Variants in GLUL observed in about 807,000 individuals in gnomAD.
GLUL encodes the protein glutamate-ammonia ligase.
GLUL carries 8 observed loss-of-function variants against 36.9 expected under a neutral mutation model. The observed-to-expected ratio is 0.22, with a 90% CI of 0.13 to 0.39. The LOEUF is 0.39. Ranked by LOEUF, GLUL falls within the 10% of genes least tolerant of loss-of-function variation. The pLI is 1.00. For missense variants in GLUL, 315 were observed against 501.8 expected, an observed-to-expected ratio of 0.63 and a Z score of 3.56; for synonymous variants, 182 against 172.8, an observed-to-expected ratio of 1.05 and a Z score of -0.42.
At chr1:182,386,519 T>C in intron 3 of GLUL, 117 bp from the exon 4 acceptor site, 1 of 848,850 alleles carries the variant, frequency 1.2e-6, no homozygotes, top group South Asian at 1.3e-5. Flanking sequence ...CACTATGGTA[T>C]GAACTGACCC....
intron 2 of GLUL, among the ~76,000 whole-genome samples, chr1:182,387,643 A>G (rs1650240766): frequency 6.6e-6 from 1 of 152,204 alleles, no homozygotes; most frequent in African/African-American, 2.4e-5. Flanking sequence ...TTCTTCCATT[A>G]GGTAATGTGT....
Position 182,380,534 on chromosome 1 carries a change from G to A in GLUL, c.*3871C>T, listed in dbSNP as rs1466980043. The stretch of plus-strand genomic sequence containing the variant: ...CGGTCTCAAACTCCTGGGCTCAAGA[G>A]ATCCTCCTGCTGCAGCCTCACAAAG... On this transcript the variant is annotated 3_prime_UTR_variant, in exon 7 of 7. Transcript: ENST00000331872. Among the ~76,000 whole-genome samples the A allele has an allele frequency of 6.6e-6, 1 of 152,192 alleles. No homozygotes were observed. The highest frequency in any genetic ancestry group is 1.5e-5 in the Non-Finnish European group (1 of 68,034).
At chr1:182,385,306 C>T (rs962219719) in intron 6 of GLUL, 51 bp downstream of exon 6, 1 of 1,388,044 alleles carries the variant, frequency 7.2e-7, no homozygotes, top group East Asian at 2.3e-5. Context: ...AGTCTCCTCC[C>T]AAGTTTTCTG....
Position 182,381,714 on chromosome 1 carries a change from G to C in GLUL, c.*2691C>G, listed in dbSNP as rs1297863407. The C allele has an allele frequency of 1.3e-5, 2 of 152,176 alleles. No individual in the cohort carries two copies. Among genetic ancestry groups the C allele is most frequent in the African/African-American group, 2.4e-5 (1 of 41,442 alleles). 9.4% of individuals were successfully genotyped at this position (152,176 alleles called of 1,614,324 possible). A position where few individuals can be genotyped will look rare whatever the true frequency, so the allele number is the denominator to read the frequency against. Reference sequence around the variant, plus strand: ...CAAAATCCAAAGTGCTCAGGTCACTGCCTCTTCAGTTTAGTGCTTACACTG... The same window carrying C: ...CAAAATCCAAAGTGCTCAGGTCACTCCCTCTTCAGTTTAGTGCTTACACTG... On this transcript the variant is annotated 3_prime_UTR_variant, in exon 7 of 7. Transcript: ENST00000331872.
In GLUL at chr1:182,384,154, C is replaced by A. The variant is rs965866368; in HGVS notation, c.*251G>T. ...GGAAGCAGTGGTTATGTCTCCCCACCCTCCTCCCCACTAATGCACTAAAAA... is the reference window on the plus strand; with the variant it reads ...GGAAGCAGTGGTTATGTCTCCCCACACTCCTCCCCACTAATGCACTAAAAA... On this transcript the variant is annotated 3_prime_UTR_variant, in exon 7 of 7. Coordinates refer to ENST00000331872, the MANE Select transcript of GLUL (RefSeq NM_001033044.4). The A allele has an allele frequency of 6.2e-5, 30 of 483,298 alleles. No homozygotes were observed. Among genetic ancestry groups the A allele is most frequent in the African/African-American group, 5.5e-4 (28 of 51,044 alleles). The allele number at this position is 483,298 out of a possible 1,614,324, so 29.9% of individuals were successfully genotyped here.
intron 5 of GLUL, 94 bp downstream of exon 5, chr1:182,385,666 G>C: frequency 6.4e-7 from 1 of 1,557,564 alleles, no homozygotes; most frequent in South Asian, 1.1e-5. Flanking sequence ...CTTAGGTTTT[G>C]GGTTAGTGAG....
chr1:182,381,302 T>C lies in GLUL; in HGVS notation c.*3103A>G, dbSNP rs767232741. Among the ~76,000 whole-genome samples the C allele has an allele frequency of 2.0e-5, 3 of 152,180 alleles. No individual in the cohort carries two copies. The highest frequency in any genetic ancestry group is 2.9e-5 in the Non-Finnish European group (2 of 68,022). On this transcript the variant is annotated 3_prime_UTR_variant, in exon 7 of 7. Transcript: ENST00000331872. ...AAAGGCCCTAGACAACACCCATCCATGGAATTCTTTCAAATTCCCTATAGC... is the reference window on the plus strand; with the variant it reads ...AAAGGCCCTAGACAACACCCATCCACGGAATTCTTTCAAATTCCCTATAGC...
chr1:182,385,425 C>G lies in GLUL; in HGVS notation c.735G>C (p.Gly245=). The G allele has an allele frequency of 6.2e-7, 1 of 1,613,500 alleles. No homozygotes were observed. Among genetic ancestry groups the G allele is most frequent in the South Asian group, 1.1e-5 (1 of 91,058 alleles). The change falls in exon 6 of 7, where the codon GGG becomes GGC. Residue 245 remains glycine (G), a synonymous_variant. Coordinates refer to ENST00000331872, the MANE Select transcript of GLUL (RefSeq NM_001033044.4). ...TATGGCAGCCTGCACCATTCCAGTT[C>G]CCAGGAATGGGCTTAGGATCAAAGG... ...IATFDPKPIP[G]NWNGAGCHTN...
rs1210150697 is a variant in GLUL at position 182,380,510 on chromosome 1, G to T, written c.*3895C>A. ...TGGACCTCACTACATTGCCTAGAAC[G>T]GTCTCAAACTCCTGGGCTCAAGAGA... On this transcript the variant is annotated 3_prime_UTR_variant, in exon 7 of 7. Coordinates refer to ENST00000331872, the MANE Select transcript of GLUL (RefSeq NM_001033044.4). Among the ~76,000 whole-genome samples, 1 of 151,958 alleles carries T rather than the reference G, an allele frequency of 6.6e-6. No individual in the cohort carries two copies. Among genetic ancestry groups the T allele is most frequent in the Non-Finnish European group, 1.5e-5 (1 of 67,990 alleles).
chr1:182,384,908 AAAAGACTAATCAT>A (rs775673331), intron 6 of GLUL, 185 bp from the exon 7 acceptor site: 12 of 634,036 alleles, frequency 1.9e-5, no homozygotes, highest in Non-Finnish European at 3.1e-5. Flanking sequence ...CTGTTTGTTG[AAAAGACTAATCAT>A]TTGAAACTTT....
At chr1:182,388,495 A>T in intron 2 of GLUL, 77 bp downstream of exon 2, 1 of 1,262,610 alleles carries the variant, frequency 7.9e-7, no homozygotes, top group Non-Finnish European at 1.2e-6. Context: ...CCTAATCCAG[A>T]GGCTGAGTCA....
chr1:182,390,199 TG>T (rs1650348904), intron 1 of GLUL: 1 of 221,064 alleles, frequency 4.5e-6, no homozygotes, highest in Non-Finnish European at 8.7e-6. Context: ...CACTCCAACC[TG>T]GGTAACAGAT....
chr1:182,385,205 A>C, intron 6 of GLUL, 152 bp downstream of exon 6: 1 of 682,938 alleles, frequency 1.5e-6, no homozygotes, highest in South Asian at 1.6e-5. Flanking sequence ...TCAACACCTA[A>C]AGTACGTCCA....
rs140378060 is a variant in GLUL, at chr1:182,385,755, C to T, written c.603+5G>A. 4.1e-3 allele frequency: 6,651 copies of T among 1,614,072 alleles called. 23 individuals are homozygous for T. The highest frequency in any genetic ancestry group is 7.3e-3 in the Middle Eastern group (44 of 6,034). The stretch of plus-strand genomic sequence containing the variant: ...TCTTCATTGATGGATTGGAGCTATA[C>T]TTACCTGGGCAGGCATGACCTCGGC... On this transcript the variant is annotated splice_donor_5th_base_variant and intron_variant, in intron 5 of 6. Coordinates refer to ENST00000331872, the MANE Select transcript of GLUL (RefSeq NM_001033044.4).
In GLUL at chr1:182,386,310, C is replaced by T. The variant is rs1190412697; in HGVS notation, c.421G>A (p.Gly141Arg). 1 of 1,613,466 alleles carries T rather than the reference C, an allele frequency of 6.2e-7. No homozygotes were observed. Among genetic ancestry groups the T allele is most frequent in the African/African-American group, 1.3e-5 (1 of 74,896 alleles). ...CAACCAAAGGGGTGCCCATCTGTCC[C>T]CATGAGGGTATACTCCTGCTCCATG... is the stretch of plus-strand genomic sequence containing the variant. Reference protein sequence around the residue: ...FGMEQEYTLMGTDGHPFGWPS... With the variant: ...FGMEQEYTLMRTDGHPFGWPS... The change falls in exon 4 of 7, where the codon GGG (glycine) becomes AGG (arginine). Residue 141 changes from glycine to arginine, a missense_variant. Gly to Arg is a moderately radical substitution (Grantham distance 125). Around this residue, in one of 3 missense-constraint regions of GLUL, gnomAD observed 256 missense variants for 396.1 expected, o/e 0.65. Transcript: ENST00000331872.
rs1650088356 is a variant in GLUL at position 182,384,580 on chromosome 1, A to C, written c.947T>G (p.Val316Gly). ...GCGTATGCTGGCGCTACGATTGGCTACACCAGCAGAAAAGTCGTTGATGTT... is the reference window on the plus strand; with the variant it reads ...GCGTATGCTGGCGCTACGATTGGCTCCACCAGCAGAAAAGTCGTTGATGTT... ...TSNINDFSAG[V>G]ANRSASIRIP... Residue 316 changes from valine (V) to glycine (G), a missense_variant, in exon 7 of 7, where the codon GTA becomes GGA. Val to Gly is a moderately radical substitution (Grantham distance 109). Transcript: ENST00000331872. 1 of 1,614,072 alleles carries C rather than the reference A, an allele frequency of 6.2e-7. No homozygotes were observed. The highest frequency in any genetic ancestry group is 1.7e-5 in the Admixed American group (1 of 60,002).
rs1407071590 is a variant in GLUL, at chr1:182,382,379, T to G, written c.*2026A>C. 1 of 152,160 alleles carries G rather than the reference T, an allele frequency of 6.6e-6. No individual in the cohort carries two copies. 9.4% of individuals were successfully genotyped at this position (152,160 alleles called of 1,614,324 possible). ...AACACAGAGCTTTTGAGAATCACAA[T>G]CGGTCCACTGGTCTTCCTGCAAGGC... On this transcript the variant is annotated 3_prime_UTR_variant, in exon 7 of 7. Coordinates refer to ENST00000331872, the MANE Select transcript of GLUL (RefSeq NM_001033044.4).
Position 182,379,496 on chromosome 1 carries a change from TAC to T in GLUL, c.*4907_*4908del. On this transcript the variant is annotated 3_prime_UTR_variant, in exon 7 of 7. Transcript: ENST00000331872. ...CCTTGGCCTCCCAAAGTGCTAGGATTACAGGCTTGAGCCACCACACCCAGCCT... is the reference window on the plus strand; with the variant it reads ...CCTTGGCCTCCCAAAGTGCTAGGATTAGGCTTGAGCCACCACACCCAGCCT... Among the ~76,000 whole-genome samples, 1 of 152,160 alleles carries T rather than the reference TAC, an allele frequency of 6.6e-6. No individual in the cohort carries two copies. The highest frequency in any genetic ancestry group is 1.9e-4 in the East Asian group (1 of 5,184).
At position 182,379,549 on chromosome 1, in the gene GLUL, ATTTT is replaced by A. The variant is rs970464169; in HGVS notation, c.*4852_*4855del. Reference sequence around the variant, plus strand: ...AAACTGCCAGTTTACATCAGTTATAATTTTTTTTTGTTTTTTTGAGACAGGGTCT... The same window carrying A: ...AAACTGCCAGTTTACATCAGTTATAATTTTTGTTTTTTTGAGACAGGGTCT... On this transcript the variant is annotated 3_prime_UTR_variant, in exon 7 of 7. Coordinates refer to ENST00000331872, the MANE Select transcript of GLUL (RefSeq NM_001033044.4). Among the ~76,000 whole-genome samples the A allele has an allele frequency of 4.5e-4, 68 of 150,186 alleles. 1 individual carries two copies. The highest frequency in any genetic ancestry group is 1.4e-3 in the African/African-American group (59 of 40,712).
Sources: allele counts gnomAD v4.1 joint callset (sites outside exome capture counted in the v4.1 genomes callset), GRCh38; gene constraint gnomAD v4.1.1; regional missense constraint gnomAD v4.1.1; transcripts MANE v1.5; gene names NCBI Gene and HGNC (gene_info 2026-07-23, HGNC 2026-07-21).